The following GPR158 variants were observed in gnomAD, a reference collection of about 807,000 sequenced individuals.
The protein encoded by GPR158 is metabotropic glycine receptor.
GPR158 carries 30 observed loss-of-function variants against 78.2 expected under a neutral mutation model. The observed-to-expected ratio is 0.38, with a 90% CI of 0.29 to 0.52. The LOEUF is 0.52. Among genes scored for constraint, GPR158 ranks in the 20% least tolerant of loss-of-function variants. The pLI is 0.83. For synonymous variants in GPR158, 581 were observed against 591.1 expected (o/e 0.98, Z 0.25); for missense variants, 1,463 against 1,523.5 (o/e 0.96, Z 0.66).
intron 2 of GPR158, among the ~76,000 whole-genome samples, chr10:25,245,478 A>G (rs1311668390): frequency 6.6e-6 from 1 of 152,226 alleles, no homozygotes; most frequent in Non-Finnish European, 1.5e-5. Context: ...TTTTTGGAAT[A>G]TGACCTATTC....
intron 5 of GPR158, among the ~76,000 whole-genome samples, chr10:25,495,205 G>T (rs1835863353): frequency 1.4e-5 from 2 of 145,970 alleles, no homozygotes; most frequent in South Asian, 4.5e-4. Flanking sequence ...GTTTACCGAA[G>T]TTTATTTATT....
At chr10:25,272,824 G>A (rs1381295259) in intron 2 of GPR158, among the ~76,000 whole-genome samples, 5 of 152,186 alleles carry the variant, frequency 3.3e-5, no homozygotes, top group Admixed American at 6.5e-5. Flanking sequence ...CCTTCAAATT[G>A]CAGCAAGAAA....
intron 5 of GPR158, among the ~76,000 whole-genome samples, chr10:25,506,751 T>A (rs1280300020): frequency 6.6e-6 from 1 of 152,250 alleles, no homozygotes; most frequent in Non-Finnish European, 1.5e-5. Context: ...TATGCAGTAC[T>A]CTGATGATAG....
intron 7 of GPR158, among the ~76,000 whole-genome samples, chr10:25,581,969 C>T (rs934583793): frequency 5.9e-5 from 9 of 152,054 alleles, no homozygotes; most frequent in African/African-American, 1.9e-4. Flanking sequence ...GTGAAAGGCA[C>T]GTCTTAAATG....
chr10:25,194,351 C>T (rs1170310187), intron 1 of GPR158, among the ~76,000 whole-genome samples: 1 of 152,052 alleles, frequency 6.6e-6, no homozygotes, highest in South Asian at 2.1e-4. Flanking sequence ...CCAGCCTGGC[C>T]AACATGGTGA....
At position 25,292,490 on chromosome 10, in the gene GPR158, T is replaced by C. The variant is rs74126519; in HGVS notation, c.1008+71333T>C. ...TCAAAGCATTTCATTGATGTAGTTA[T>C]GCTGTTCAATGCAACCTTCCAGCAC... On this transcript the variant is annotated intron_variant, in intron 2 of 10. Transcript: ENST00000376351. Among the ~76,000 whole-genome samples, 1,168 of 150,986 alleles carry C rather than the reference T, an allele frequency of 7.7e-3. 15 individuals carry two copies. Among genetic ancestry groups the C allele is most frequent in the African/African-American group, 0.027 (1,103 of 40,482 alleles).
At chr10:25,562,800 ATGCTGTTCGAGTCCTT>A (rs372785910) in intron 6 of GPR158, among the ~76,000 whole-genome samples, 13 of 152,180 alleles carry the variant, frequency 8.5e-5, no homozygotes, top group African/African-American at 2.9e-4. Context: ...TTGGCTTATG[ATGCTGTTCGAGTCCTT>A]TGTCTCCTTA....
At chr10:25,552,452 G>A (rs186942327) in intron 6 of GPR158, among the ~76,000 whole-genome samples, 9 of 152,104 alleles carry the variant, frequency 5.9e-5, no homozygotes, top group African/African-American at 1.7e-4. Context: ...TAGACACCCC[G>A]TTGAGACTTG....
chr10:25,491,325 C>G (rs956388537), intron 5 of GPR158, among the ~76,000 whole-genome samples: 1 of 152,114 alleles, frequency 6.6e-6, no homozygotes, highest in African/African-American at 2.4e-5. Context: ...CAATTACACC[C>G]TAGTGTGTCT....
chr10:25,594,256 A>C, intron 8 of GPR158, 36 bp from the exon 9 acceptor site: 2 of 1,005,254 alleles, frequency 2.0e-6, no homozygotes, highest in Non-Finnish European at 3.2e-6. Flanking sequence ...TAGAATCTTA[A>C]TCTTGGATTG....
intron 2 of GPR158, chr10:25,243,921 G>C (rs1321757298): frequency 6.6e-6 from 1 of 152,142 alleles, no homozygotes; most frequent in Non-Finnish European, 1.5e-5. Flanking sequence ...TAACAATTAT[G>C]TATTTCCTGT....
At chr10:25,196,043 T>C (rs1262408558) in intron 1 of GPR158, among the ~76,000 whole-genome samples, 1 of 152,288 alleles carries the variant, frequency 6.6e-6, no homozygotes, top group East Asian at 1.9e-4. Context: ...TTAGATGTGA[T>C]TCATTTTATT....
At chr10:25,332,590 T>C (rs969983707) in intron 2 of GPR158, among the ~76,000 whole-genome samples, 1 of 152,172 alleles carries the variant, frequency 6.6e-6, no homozygotes, top group Non-Finnish European at 1.5e-5. Flanking sequence ...GCAGAGGCAT[T>C]TGGGACACAG....
chr10:25,383,804 T>C (rs1834187931), intron 2 of GPR158, among the ~76,000 whole-genome samples: 1 of 152,190 alleles, frequency 6.6e-6, no homozygotes, highest in South Asian at 2.1e-4. Flanking sequence ...GACCATGCAC[T>C]AGCATCTGTT....
chr10:25,431,653 T>C (rs1337441192), intron 4 of GPR158, among the ~76,000 whole-genome samples: 1 of 147,562 alleles, frequency 6.8e-6, no homozygotes, highest in African/African-American at 2.5e-5. Context: ...ATGTGGCACA[T>C]ATACACCATG....
At chr10:25,377,758 T>C (rs2130560436) in intron 2 of GPR158, among the ~76,000 whole-genome samples, 1 of 152,224 alleles carries the variant, frequency 6.6e-6, no homozygotes, top group East Asian at 1.9e-4. Context: ...ATAAACAACA[T>C]TTTATTTATC....
At chr10:25,316,712 A>T (rs1391390232) in intron 2 of GPR158, among the ~76,000 whole-genome samples, 5 of 152,216 alleles carry the variant, frequency 3.3e-5, no homozygotes, top group African/African-American at 4.8e-5. Flanking sequence ...AACAGATGTT[A>T]TATATTGGTG....
At chr10:25,302,738 C>A (rs1311289133) in intron 2 of GPR158, among the ~76,000 whole-genome samples, 1 of 152,140 alleles carries the variant, frequency 6.6e-6, no homozygotes, top group Non-Finnish European at 1.5e-5. Context: ...AGTTTGGCAG[C>A]CCCTGTTCTA....
chr10:25,421,145 T>C (rs1834745441), intron 4 of GPR158, among the ~76,000 whole-genome samples: 2 of 152,224 alleles, frequency 1.3e-5, no homozygotes, highest in African/African-American at 4.8e-5. Context: ...AGTAATGTTT[T>C]TAGTTTTCAG....
Sources: allele counts gnomAD v4.1 joint callset (sites outside exome capture counted in the v4.1 genomes callset), GRCh38; gene constraint gnomAD v4.1.1; transcripts MANE v1.5; gene names NCBI Gene and HGNC (gene_info 2026-07-23, HGNC 2026-07-21).